EVA1A: variants seen among roughly 807,000 people sequenced by gnomAD.
The protein encoded by EVA1A is protein eva-1 homolog A.
EVA1A carries 7 observed loss-of-function variants against 9.8 expected under a neutral mutation model. That is an observed-to-expected ratio of 0.71 (90% CI 0.41 to 1.34). The LOEUF is 1.34. Ranked by LOEUF, EVA1A falls within the 40% of genes most tolerant of loss-of-function variation. EVA1A has a pLI of 0.01. For missense variants in EVA1A, 206 were observed against 205.9 expected, an observed-to-expected ratio of 1.00 and a Z score of 0.00; for synonymous variants, 90 against 85.6, an observed-to-expected ratio of 1.05 and a Z score of -0.28.
At chr2:75,529,690 TCTGAA>T (rs1394891086) in intron 1 of EVA1A, among the ~76,000 whole-genome samples, 1 of 152,160 alleles carries the variant, frequency 6.6e-6, no homozygotes, top group Non-Finnish European at 1.5e-5. Flanking sequence ...TTAAAAATTG[TCTGAA>T]CTGAATAATA....
intron 3 of EVA1A, among the ~76,000 whole-genome samples, chr2:75,507,043 T>C (rs1674642547): frequency 6.6e-6 from 1 of 152,218 alleles, no homozygotes; most frequent in African/African-American, 2.4e-5. Context: ...GTCCTGGATC[T>C]GTGTTCAACA....
At chr2:75,537,187 CT>C (rs1312928803) in intron 1 of EVA1A, among the ~76,000 whole-genome samples, 1 of 152,038 alleles carries the variant, frequency 6.6e-6, no homozygotes, top group Non-Finnish European at 1.5e-5. Flanking sequence ...TTGATATAAA[CT>C]GCCATTAGTA....
chr2:75,533,065 G>A (rs903397869), intron 1 of EVA1A, among the ~76,000 whole-genome samples: 7 of 151,366 alleles, frequency 4.6e-5, no homozygotes, highest in Admixed American at 2.0e-4. Flanking sequence ...GATCACTTGA[G>A]CCTAGGAGAT....
At chr2:75,558,529 G>C (rs1001938534) in intron 1 of EVA1A, 2 of 151,848 alleles carry the variant, frequency 1.3e-5, no homozygotes, top group Admixed American at 1.3e-4. Flanking sequence ...GGGGAGAGGG[G>C]AGGCTGAGGC....
chr2:75,540,070 A>G (rs1676056703), intron 1 of EVA1A, among the ~76,000 whole-genome samples: 1 of 152,230 alleles, frequency 6.6e-6, no homozygotes, highest in South Asian at 2.1e-4. Flanking sequence ...AACCTTCCAC[A>G]GGTGCAGCAA....
chr2:75,550,347 A>G (rs2103966364), intron 1 of EVA1A, among the ~76,000 whole-genome samples: 1 of 152,274 alleles, frequency 6.6e-6, no homozygotes, highest in South Asian at 2.1e-4. Flanking sequence ...TGCTCAGAGA[A>G]GCAGGTGTCT....
chr2:75,551,418 T>C (rs148850210), intron 1 of EVA1A, among the ~76,000 whole-genome samples: 9 of 152,312 alleles, frequency 5.9e-5, no homozygotes, highest in East Asian at 5.8e-4. Flanking sequence ...CATTCTTCCA[T>C]ATCATTTGAA....
intron 1 of EVA1A, among the ~76,000 whole-genome samples, chr2:75,537,034 T>G (rs1675933576): frequency 6.6e-6 from 1 of 152,036 alleles, no homozygotes; most frequent in Admixed American, 6.6e-5. Context: ...ATCAGGAACA[T>G]AGATAAAATA....
intron 1 of EVA1A, among the ~76,000 whole-genome samples, chr2:75,533,160 AAAGAAAAAAGAAAG>A (rs931828536): frequency 1.3e-4 from 19 of 151,834 alleles, no homozygotes; most frequent in South Asian, 2.1e-4. Context: ...AAAAAAAAAA[AAAGAAAAAAGAAAG>A]AAGAAAAAAG....
At chr2:75,558,212 T>A (rs1356952903) in intron 1 of EVA1A, among the ~76,000 whole-genome samples, 2 of 152,220 alleles carry the variant, frequency 1.3e-5, no homozygotes. Flanking sequence ...AGGTAGGCAC[T>A]CAGTATTAAG....
chr2:75,503,868 G>T (rs1674517860), intron 3 of EVA1A, among the ~76,000 whole-genome samples: 1 of 152,002 alleles, frequency 6.6e-6, no homozygotes, highest in African/African-American at 2.4e-5. Flanking sequence ...ACAGAGCAGG[G>T]TGACTATAGT....
intron 3 of EVA1A, among the ~76,000 whole-genome samples, chr2:75,515,383 T>A (rs1037185628): frequency 6.6e-6 from 1 of 152,234 alleles, no homozygotes; most frequent in Non-Finnish European, 1.5e-5. Flanking sequence ...AAAGCTCAGC[T>A]GAGATTGGAG....
chr2:75,549,008 A>ATATT (rs1215292675), intron 1 of EVA1A, among the ~76,000 whole-genome samples: 37 of 85,386 alleles, frequency 4.3e-4, no homozygotes, highest in Admixed American at 1.5e-3. Context: ...ATATATATAT[A>ATATT]TTTTTTTTTT....
intron 1 of EVA1A, among the ~76,000 whole-genome samples, chr2:75,543,383 G>C (rs1449296710): frequency 6.6e-6 from 1 of 152,142 alleles, no homozygotes; most frequent in Non-Finnish European, 1.5e-5. Flanking sequence ...TGGGAACAAG[G>C]AGTATTCCTG....
At chr2:75,563,885 AG>A (rs1368043898), upstream of EVA1A, among the ~76,000 whole-genome samples, 2 of 152,168 alleles carry the variant, frequency 1.3e-5, no homozygotes, top group Non-Finnish European at 2.9e-5. Context: ...CTAGGCTGAG[AG>A]GAGATGAGGA....
intron 1 of EVA1A, among the ~76,000 whole-genome samples, chr2:75,547,281 G>A (rs1225760318): frequency 2.6e-5 from 4 of 152,196 alleles, no homozygotes; most frequent in Non-Finnish European, 5.9e-5. Flanking sequence ...CACCCACCGG[G>A]TGAGGAGAAA....
chr2:75,546,873 T>C (rs1676347456), intron 1 of EVA1A, among the ~76,000 whole-genome samples: 1 of 140,558 alleles, frequency 7.1e-6, no homozygotes, highest in Admixed American at 7.7e-5. Flanking sequence ...GCGAAGATGA[T>C]GTGAAAAGAC....
chr2:75,558,164 A>T (rs1411981714), intron 1 of EVA1A, among the ~76,000 whole-genome samples: 1 of 152,230 alleles, frequency 6.6e-6, no homozygotes, highest in African/African-American at 2.4e-5. Context: ...ATGAGTAAAA[A>T]TGTATAAAAT....
intron 1 of EVA1A, among the ~76,000 whole-genome samples, chr2:75,557,336 CACA>C (rs1440775662): frequency 4.6e-5 from 7 of 152,234 alleles, no homozygotes; most frequent in Non-Finnish European, 1.0e-4. Flanking sequence ...CAGTGTCAAA[CACA>C]ACTTACCCAG....
Sources: allele counts gnomAD v4.1 joint callset (sites outside exome capture counted in the v4.1 genomes callset), GRCh38; gene constraint gnomAD v4.1.1; transcripts MANE v1.5; gene names NCBI Gene and HGNC (gene_info 2026-07-23, HGNC 2026-07-21).